The following POU3F3 variants were observed in gnomAD, a reference collection of about 807,000 sequenced individuals.
The protein encoded by POU3F3 is POU class 3 homeobox 3.
In POU3F3, 1 loss-of-function variant was observed where a neutral mutation model predicts 8.6. That is an observed-to-expected ratio of 0.12 (90% confidence interval 0.04 to 0.55). The LOEUF (loss-of-function observed/expected upper bound fraction) is 0.55, where lower values mean the gene tolerates loss of function less well. Ranked by LOEUF, POU3F3 falls within the 20% of genes least tolerant of loss-of-function variation. POU3F3 has a pLI of 0.91. For missense variants in POU3F3, 577 were observed against 690.7 expected, an observed-to-expected ratio of 0.84 and a Z score of 1.84; for synonymous variants, 418 against 327.4, an observed-to-expected ratio of 1.28 and a Z score of -2.99.
At chr2:104,901,264 A>G in the POU3F3 span, among the ~76,000 whole-genome samples, 1 of 152,212 alleles carries the variant, frequency 6.6e-6, no homozygotes, top group South Asian at 2.1e-4. Flanking sequence ...ATAAAAGTCA[A>G]TTAATCATTA....
chr2:104,855,728 T>C lies in POU3F3; in HGVS notation c.218T>C (p.Val73Ala). 7.7e-7 allele frequency: 1 copy of C among 1,290,660 alleles called. No individual in the cohort carries two copies. Among genetic ancestry groups the C allele is most frequent in the South Asian group, 1.3e-5 (1 of 75,312 alleles). 80.0% of individuals were successfully genotyped at this position (1,290,660 alleles called of 1,614,324 possible). A position where few individuals can be genotyped will look rare whatever the true frequency, so the allele number is the denominator to read the frequency against. Residue 73 changes from valine to alanine, a missense_variant, in exon 1 of 1, where the codon GTC becomes GCC. This residue lies in a region of POU3F3 where 484 missense variants were observed against 422.6 expected (regional missense o/e 1.15). Transcript: ENST00000361360. ...GGGGACCCGTCCTCTGTCAAGATGG[T>C]CCAGAGCGACTTCATGCAGGGGGCC... is the stretch of plus-strand genomic sequence containing the variant. The part of the protein sequence containing the change: ...YRGDPSSVKM[V>A]QSDFMQGAMA...
the POU3F3 span, among the ~76,000 whole-genome samples, chr2:104,871,663 T>TC: frequency 5.9e-5 from 9 of 152,146 alleles, no homozygotes; most frequent in African/African-American, 1.9e-4. Context: ...CTCACACATT[T>TC]CCCCCCTGCT....
chr2:104,856,416 G>A lies in POU3F3; in HGVS notation c.906G>A (p.Gly302=), dbSNP rs780279142. The change falls in exon 1 of 1, where the codon GGG becomes GGA. Residue 302 remains glycine (G), a synonymous_variant. Transcript: ENST00000361360. ...PHHGGGGGGA[G]PGLNSHDPHS... ...ACGGCGGCGGCGGCGGCGGCGCGGG[G>A]CCTGGACTCAACAGCCACGACCCGC... 1.2e-6 allele frequency: 2 copies of A among 1,601,486 alleles called. No individual in the cohort carries two copies. Among genetic ancestry groups the A allele is most frequent in the African/African-American group, 1.3e-5 (1 of 74,564 alleles).
At chr2:104,912,079 C>T in the POU3F3 span, among the ~76,000 whole-genome samples, 1 of 152,146 alleles carries the variant, frequency 6.6e-6, no homozygotes, top group Admixed American at 6.5e-5. Flanking sequence ...CCCCACAGGC[C>T]GTCTCTGCCT....
chr2:104,912,517 G>A, the POU3F3 span, among the ~76,000 whole-genome samples: 1 of 152,204 alleles, frequency 6.6e-6, no homozygotes, highest in Non-Finnish European at 1.5e-5. Flanking sequence ...CAATACCTGA[G>A]TAGCTTGACT....
the POU3F3 span, among the ~76,000 whole-genome samples, chr2:104,907,652 T>G: frequency 7.8e-4 from 119 of 152,352 alleles, no homozygotes; most frequent in East Asian, 0.02. Flanking sequence ...CTTTTGCTTT[T>G]GGCTAAGGCT....
At chr2:104,872,522 C>T in the POU3F3 span, 11 of 339,420 alleles carry the variant, frequency 3.2e-5, no homozygotes, top group East Asian at 9.7e-5. This position sits in a 1 kb window ranked among gnomAD's most constrained non-coding sequence, Gnocchi z 4.6. Context: ...TCAGCTTACC[C>T]TTTCCTCCCG....
the POU3F3 span, among the ~76,000 whole-genome samples, chr2:104,913,929 G>T: frequency 6.6e-6 from 1 of 152,142 alleles, no homozygotes; most frequent in East Asian, 1.9e-4. Context: ...TTTAGCGGAG[G>T]CTCATTCACA....
At chr2:104,919,093 A>G in the POU3F3 span, among the ~76,000 whole-genome samples, 1 of 150,974 alleles carries the variant, frequency 6.6e-6, no homozygotes, top group African/African-American at 2.4e-5. Context: ...CTGGTCTTGA[A>G]CTCCTGACCT....
the POU3F3 span, among the ~76,000 whole-genome samples, chr2:104,874,753 A>G: frequency 3.9e-5 from 6 of 152,200 alleles, no homozygotes; most frequent in African/African-American, 1.4e-4. Context: ...TAGAATACCT[A>G]TTCTTTCTCC....
chr2:104,879,682 G>C, the POU3F3 span, among the ~76,000 whole-genome samples: 8 of 152,136 alleles, frequency 5.3e-5, no homozygotes, highest in Non-Finnish European at 1.5e-5. Context: ...CTTCCTTGCT[G>C]TGTGACCTCC....
At chr2:104,877,687 TCTCA>T in the POU3F3 span, among the ~76,000 whole-genome samples, 1 of 146,272 alleles carries the variant, frequency 6.8e-6, no homozygotes, top group Non-Finnish European at 1.5e-5. Flanking sequence ...TGAGACGGAG[TCTCA>T]CTCTGTCGCC....
chr2:104,857,089 C>CAG lies in POU3F3; in HGVS notation c.*76_*77insAG. On this transcript the variant is annotated 3_prime_UTR_variant, in exon 1 of 1. Transcript: ENST00000361360. ...GCCGTCAGCACCGCCGCCGCCCCTG[C>CAG]CGCCGCCGCCGCCGCCGCCGCCGCC... 3 of 907,932 alleles carry CAG rather than the reference C, an allele frequency of 3.3e-6. No homozygotes were observed. Among genetic ancestry groups the CAG allele is most frequent in the Non-Finnish European group, 2.6e-6 (2 of 762,674 alleles). The allele number at this position is 907,932 out of a possible 1,614,324, so 56.2% of individuals were successfully genotyped here.
the POU3F3 span, among the ~76,000 whole-genome samples, chr2:104,899,270 G>A: frequency 1.3e-5 from 2 of 152,214 alleles, no homozygotes; most frequent in African/African-American, 2.4e-5. Flanking sequence ...GGAACTCCGG[G>A]GCTGCAGCAT....
At chr2:104,864,042 A>C in the POU3F3 span, among the ~76,000 whole-genome samples, 1 of 152,226 alleles carries the variant, frequency 6.6e-6, no homozygotes, top group Non-Finnish European at 1.5e-5. Context: ...CGTGTGGGAA[A>C]CTCGAGCACC....
At chr2:104,900,151 G>A in the POU3F3 span, among the ~76,000 whole-genome samples, 2 of 152,208 alleles carry the variant, frequency 1.3e-5, no homozygotes, top group African/African-American at 2.4e-5. Context: ...TCTAGGATGG[G>A]AGACTGGGTG....
At chr2:104,913,092 G>A in the POU3F3 span, among the ~76,000 whole-genome samples, 5 of 152,160 alleles carry the variant, frequency 3.3e-5, no homozygotes, top group African/African-American at 1.2e-4. Context: ...CTTGGATGTG[G>A]GGCAATTGAA....
chr2:104,867,488 C>T, the POU3F3 span: 7 of 152,428 alleles, frequency 4.6e-5, no homozygotes, highest in Admixed American at 3.9e-4. This position sits in a 1 kb window ranked among gnomAD's most constrained non-coding sequence, Gnocchi z 5.0. Context: ...CTGACTGTTC[C>T]CCCGGGCTCC....
chr2:104,872,617 G>T, the POU3F3 span: 4 of 251,136 alleles, frequency 1.6e-5, no homozygotes, highest in African/African-American at 7.2e-5. The surrounding 1 kb of genome is among the most constrained non-coding windows in gnomAD (Gnocchi z 4.6). Context: ...GTCTCGGCGC[G>T]CGCGGAAACC....
Sources: gnomAD v4.1 joint callset for allele counts (sites outside exome capture counted in the v4.1 genomes callset) on GRCh38, gnomAD v4.1.1 for gene constraint, gnomAD v4.1.1 regional missense constraint, Gnocchi (gnomAD v3.1) non-coding constraint, MANE v1.5 for transcripts, NCBI Gene and HGNC (gene_info 2026-07-23, HGNC 2026-07-21) for gene names.